NRXN3: variants seen among roughly 807,000 people sequenced by gnomAD.
The protein encoded by NRXN3 is neurexin 3.
A neutral mutation model predicts 137.6 loss-of-function variants in NRXN3; 32 were observed. The observed-to-expected ratio is 0.23, with a 90% CI of 0.18 to 0.31. The LOEUF is 0.31. NRXN3 is among the 10% of genes least tolerant of loss of function. NRXN3 has a pLI of 1.00. For synonymous variants in NRXN3, 798 were observed against 784.5 expected, an observed-to-expected ratio of 1.02 and a Z score of -0.29; for missense variants, 1,574 against 2,062.5, an observed-to-expected ratio of 0.76 and a Z score of 4.59.
chr14:79,075,813 G>A (rs774802525), intron 15 of NRXN3, among the ~76,000 whole-genome samples: 10 of 152,142 alleles, frequency 6.6e-5, no homozygotes, highest in Admixed American at 1.3e-4. Context: ...TGTGGCAGGC[G>A]GGGAGGCAGG....
rs147153249 is a variant in NRXN3, at chr14:79,209,063, C to T, written c.3262+220922C>T. 9.2e-3 allele frequency among the ~76,000 whole-genome samples: 1,396 copies of T among 152,114 alleles called. 49 individuals carry two copies. The East Asian group carries it at 0.096, about 10-fold the overall frequency. ...AAACGATTCTCCTGCCTCAGCCTCC[C>T]GAGTAGCTGGGACTATAGGCACGTG... On this transcript the variant is annotated intron_variant, in intron 15 of 20. Transcript: ENST00000335750.
At position 79,722,087 on chromosome 14, in the gene NRXN3, G is replaced by A. The variant is rs188061819; in HGVS notation, c.4014+24150G>A. Among the ~76,000 whole-genome samples, 41 of 152,104 alleles carry A rather than the reference G, an allele frequency of 2.7e-4. No homozygotes were observed. In the East Asian group the frequency reaches 7.4e-3, roughly 27 times the overall value. On this transcript the variant is annotated intron_variant, in intron 19 of 20. Coordinates refer to ENST00000335750, the MANE Select transcript of NRXN3 (RefSeq NM_001330195.2). Reference sequence around the variant, plus strand: ...AACCTAAGCCTTATCCATAAGGTGCGTATTAATATCAACTTTATAGGATTG... The same window carrying A: ...AACCTAAGCCTTATCCATAAGGTGCATATTAATATCAACTTTATAGGATTG...
At chr14:78,914,842 G>A (rs957093836) in intron 10 of NRXN3, among the ~76,000 whole-genome samples, 1 of 151,974 alleles carries the variant, frequency 6.6e-6, no homozygotes, top group Admixed American at 6.6e-5. Flanking sequence ...TGGAATGAAG[G>A]GGGCAACGGG....
At chr14:78,762,402 CT>C (rs1257395953) in intron 8 of NRXN3, among the ~76,000 whole-genome samples, 1 of 152,168 alleles carries the variant, frequency 6.6e-6, no homozygotes, top group Non-Finnish European at 1.5e-5. Context: ...AATAGCAGCT[CT>C]TTTTCTTACC....
chr14:79,855,703 T>G (rs2099401138), intron 20 of NRXN3, among the ~76,000 whole-genome samples: 1 of 152,200 alleles, frequency 6.6e-6, no homozygotes, highest in Non-Finnish European at 1.5e-5. Flanking sequence ...AAAGTGATTA[T>G]GTAAGTGTTT....
chr14:79,709,843 C>T (rs2098796206), intron 19 of NRXN3, among the ~76,000 whole-genome samples: 1 of 152,100 alleles, frequency 6.6e-6, no homozygotes, highest in Non-Finnish European at 1.5e-5. Flanking sequence ...AAATATATCT[C>T]TGAGGCCATT....
chr14:78,815,479 C>CTTTTTT lies in NRXN3; in HGVS notation c.2275+5152_2275+5157dup, dbSNP rs61411777. The stretch of plus-strand genomic sequence containing the variant: ...ACTTGCTTGGATAATTTGTTTCTTT[C>CTTTTTT]TTTTTTTTTTTTTTTTTTTTTTGCC... On this transcript the variant is annotated intron_variant, in intron 10 of 20. Coordinates refer to ENST00000335750, the MANE Select transcript of NRXN3 (RefSeq NM_001330195.2). Among the ~76,000 whole-genome samples, 102 of 84,438 alleles carry CTTTTTT rather than the reference C, an allele frequency of 1.2e-3. 2 individuals carry two copies. Among genetic ancestry groups the CTTTTTT allele is most frequent in the East Asian group, 7.3e-3 (16 of 2,198 alleles). 55.4% of individuals were successfully genotyped at this position (84,438 alleles called of 152,430 possible). A position where few individuals can be genotyped will look rare whatever the true frequency, so the allele number is the denominator to read the frequency against.
intron 15 of NRXN3, among the ~76,000 whole-genome samples, chr14:79,413,669 G>A (rs1013581369): frequency 1.3e-5 from 2 of 151,924 alleles, no homozygotes; most frequent in Non-Finnish European, 2.9e-5. Context: ...TGACCTGCAG[G>A]TGTTCAAAAA....
At chr14:78,734,244 CA>C (rs1381868124) in intron 8 of NRXN3, among the ~76,000 whole-genome samples, 168 of 151,430 alleles carry the variant, frequency 1.1e-3, no homozygotes, top group Non-Finnish European at 1.9e-3. Flanking sequence ...CACACACACA[CA>C]CACACACACC....
chr14:79,850,061 C>A (rs1295158580), intron 20 of NRXN3, among the ~76,000 whole-genome samples: 4 of 152,178 alleles, frequency 2.6e-5, no homozygotes, highest in Non-Finnish European at 4.4e-5. Context: ...CCCACAGACA[C>A]AAAAATCAAA....
At chr14:78,368,771 T>G (rs904129136) in intron 4 of NRXN3, among the ~76,000 whole-genome samples, 1 of 152,206 alleles carries the variant, frequency 6.6e-6, no homozygotes, top group African/African-American at 2.4e-5. Flanking sequence ...TTAGACAATA[T>G]TAAACTGTTA....
At chr14:79,737,698 C>A (rs1220286846) in intron 19 of NRXN3, among the ~76,000 whole-genome samples, 1 of 151,508 alleles carries the variant, frequency 6.6e-6, no homozygotes, top group African/African-American at 2.4e-5. Context: ...ATCCATATGT[C>A]ACATCATGGT....
At chr14:79,509,065 C>T (rs1477807614) in intron 16 of NRXN3, among the ~76,000 whole-genome samples, 16 of 151,906 alleles carry the variant, frequency 1.1e-4, no homozygotes, top group Admixed American at 3.9e-4. Context: ...TCTGGTGGCA[C>T]GGACCTGTAA....
Position 78,635,670 on chromosome 14 carries a change from T to C in NRXN3, c.758-9450T>C, listed in dbSNP as rs17107978. ...AGTGTGACAGCATGGCATTTGCTATTCCAGTATAATCGCCTTAGTTATTGA... is the reference window on the plus strand; with the variant it reads ...AGTGTGACAGCATGGCATTTGCTATCCCAGTATAATCGCCTTAGTTATTGA... On this transcript the variant is annotated intron_variant, in intron 4 of 20. Transcript: ENST00000335750. Among the ~76,000 whole-genome samples, 1,253 of 152,314 alleles carry C rather than the reference T, an allele frequency of 8.2e-3. 86 individuals carry two copies. In the East Asian group the frequency reaches 0.18, roughly 22 times the overall value.
intron 15 of NRXN3, among the ~76,000 whole-genome samples, chr14:79,422,403 T>C (rs548729105): frequency 1.2e-4 from 19 of 152,264 alleles, no homozygotes; most frequent in African/African-American, 4.6e-4. Context: ...CATTTGCTGT[T>C]TGAAGTTGAT....
At chr14:78,830,590 T>G (rs2098978905) in intron 10 of NRXN3, among the ~76,000 whole-genome samples, 2 of 152,068 alleles carry the variant, frequency 1.3e-5, no homozygotes, top group Admixed American at 6.6e-5. Flanking sequence ...ATTAGTATAC[T>G]CATTTTTTTC....
chr14:78,304,184 C>A (rs570975284), intron 4 of NRXN3, among the ~76,000 whole-genome samples: 1 of 152,152 alleles, frequency 6.6e-6, no homozygotes, highest in Non-Finnish European at 1.5e-5. Flanking sequence ...TGTTCTGGCT[C>A]CACTTCCCTC....
At chr14:78,843,021 C>T (rs564215928) in intron 10 of NRXN3, among the ~76,000 whole-genome samples, 126 of 152,034 alleles carry the variant, frequency 8.3e-4, no homozygotes, top group Middle Eastern at 3.4e-3. Flanking sequence ...GGTCCTGAGG[C>T]GACATACATC....
At chr14:78,504,221 G>T (rs1319156074) in intron 4 of NRXN3, among the ~76,000 whole-genome samples, 1 of 152,186 alleles carries the variant, frequency 6.6e-6, no homozygotes, top group Non-Finnish European at 1.5e-5. Flanking sequence ...AGGGAAACTG[G>T]TCATTGCTCC....
Sources: allele counts gnomAD v4.1 joint callset (sites outside exome capture counted in the v4.1 genomes callset), GRCh38; gene constraint gnomAD v4.1.1; transcripts MANE v1.5; gene names NCBI Gene and HGNC (gene_info 2026-07-23, HGNC 2026-07-21).